The following FILIP1L variants were observed in gnomAD, a reference collection of about 807,000 sequenced individuals.
FILIP1L encodes filamin A interacting protein 1 like.
Under a neutral mutation model 96.6 loss-of-function variants are expected in FILIP1L, and 55 were observed. The observed-to-expected ratio is 0.57, with a 90% confidence interval of 0.46 to 0.71. FILIP1L has a LOEUF of 0.71. Ranked by LOEUF, FILIP1L falls within the 30% of genes least tolerant of loss-of-function variation. The pLI is 0.00. For synonymous variants in FILIP1L, 467 were observed against 473.9 expected (o/e 0.99, Z 0.19); for missense variants, 1,304 against 1,321.2 (o/e 0.99, Z 0.20).
At chr3:99,869,193 T>C (rs938836803) in intron 4 of FILIP1L, among the ~76,000 whole-genome samples, 1 of 152,216 alleles carries the variant, frequency 6.6e-6, no homozygotes, top group African/African-American at 2.4e-5. Context: ...AAGAATTCAC[T>C]TGGAGACAAA....
intron 4 of FILIP1L, among the ~76,000 whole-genome samples, chr3:99,916,437 T>TACACACACACACACACAC (rs10529210): frequency 1.4e-4 from 19 of 137,180 alleles, no homozygotes; most frequent in African/African-American, 5.3e-4. Flanking sequence ...TAACGGTTTA[T>TACACACACACACACACAC]ACACACACAC....
At chr3:100,035,050 T>G (rs1322093022) in intron 1 of FILIP1L, among the ~76,000 whole-genome samples, 1 of 152,138 alleles carries the variant, frequency 6.6e-6, no homozygotes, top group Non-Finnish European at 1.5e-5. Context: ...CTTGAAGACC[T>G]GTTTATCTTA....
At chr3:99,894,148 C>A (rs897445891) in intron 4 of FILIP1L, among the ~76,000 whole-genome samples, 8 of 152,180 alleles carry the variant, frequency 5.3e-5, no homozygotes, top group African/African-American at 1.7e-4. Context: ...AAGACAATTA[C>A]AGCTAGGAGT....
At chr3:100,007,153 A>G (rs527772270) in intron 1 of FILIP1L, among the ~76,000 whole-genome samples, 2 of 152,354 alleles carry the variant, frequency 1.3e-5, no homozygotes, top group South Asian at 4.1e-4. Flanking sequence ...AAATGGGAAG[A>G]AAAGGAGAAA....
intron 1 of FILIP1L, among the ~76,000 whole-genome samples, chr3:100,033,299 C>T (rs1438508854): frequency 6.6e-6 from 1 of 152,108 alleles, no homozygotes; most frequent in East Asian, 1.9e-4. Context: ...TCTGAACTTG[C>T]CCTCAAAGAA....
intron 4 of FILIP1L, among the ~76,000 whole-genome samples, chr3:99,857,301 A>G (rs1419882338): frequency 6.6e-6 from 1 of 152,214 alleles, no homozygotes; most frequent in Non-Finnish European, 1.5e-5. Context: ...ATAGCTACAG[A>G]GCCTCTAGAA....
At chr3:100,003,928 C>A (rs1709914555) in intron 1 of FILIP1L, among the ~76,000 whole-genome samples, 1 of 152,164 alleles carries the variant, frequency 6.6e-6, no homozygotes. Context: ...GCAAACAAGT[C>A]TTCTCAGGTT....
At position 99,993,327 on chromosome 3, in the gene FILIP1L, T is replaced by G. The variant is rs139561163; in HGVS notation, c.-10-62297A>C. Among the ~76,000 whole-genome samples, 4 of 152,214 alleles carry G rather than the reference T, an allele frequency of 2.6e-5. No individual in the cohort carries two copies. In the East Asian group the frequency reaches 7.7e-4, roughly 29 times the overall value. On this transcript the variant is annotated intron_variant, in intron 1 of 5. Coordinates refer to ENST00000477258, the MANE Select transcript of FILIP1L (RefSeq NM_001387850.1). ...ATGTCATCTACAACTTCTTTCAGTT[T>G]TGGAGCTTGGAACTTCACTAGTTCA...
intron 5 of FILIP1L, among the ~76,000 whole-genome samples, chr3:99,832,560 A>AAG (rs201155810): frequency 0.46 from 55,127 of 120,530 alleles, 14,140 homozygotes; most frequent in East Asian, 0.67. Flanking sequence ...AAAAAAAAAA[A>AAG]GGCCTAGCGC....
chr3:99,879,298 T>C (rs1215928615), intron 4 of FILIP1L, among the ~76,000 whole-genome samples: 1 of 152,234 alleles, frequency 6.6e-6, no homozygotes, highest in Non-Finnish European at 1.5e-5. Context: ...TATTATATTA[T>C]GTCAAAGACA....
At chr3:99,887,109 T>A (rs1335708467) in intron 4 of FILIP1L, among the ~76,000 whole-genome samples, 2 of 150,122 alleles carry the variant, frequency 1.3e-5, no homozygotes, top group Non-Finnish European at 3.0e-5. Context: ...CCATCTCTAC[T>A]AAAAATACAA....
At chr3:100,046,776 G>A (rs2065285521) in intron 1 of FILIP1L, among the ~76,000 whole-genome samples, 1 of 152,164 alleles carries the variant, frequency 6.6e-6, no homozygotes, top group African/African-American at 2.4e-5. Flanking sequence ...ATAAGGCCAG[G>A]TCTGATTAGC....
intron 4 of FILIP1L, chr3:99,876,346 C>T: frequency 2.4e-6 from 1 of 416,776 alleles, no homozygotes; most frequent in South Asian, 9.9e-5. Context: ...GCCGTGTGAA[C>T]GGACCGTGGT....
At chr3:100,094,297 A>G (rs1266810978) in intron 1 of FILIP1L, among the ~76,000 whole-genome samples, 5 of 152,004 alleles carry the variant, frequency 3.3e-5, no homozygotes, top group African/African-American at 1.2e-4. Flanking sequence ...TTTATTGTTA[A>G]GTTTTAAGAG....
At position 99,850,073 on chromosome 3, in the gene FILIP1L, CTGT is replaced by C; in HGVS notation, c.1600_1602del (p.Thr534del). 6.2e-7 allele frequency: 1 copy of C among 1,612,764 alleles called. No homozygotes were observed. The highest frequency in any genetic ancestry group is 8.5e-7 in the Non-Finnish European group (1 of 1,179,726). ...GTTTCCTCAATTAACTTCTCAGTAA[CTGT>C]TGTTACTTTATTTTGCTCCACTTGA... On this transcript the variant is annotated inframe_deletion, in exon 5 of 6. Transcript: ENST00000477258.
At chr3:100,043,074 G>C (rs766090998) in intron 1 of FILIP1L, among the ~76,000 whole-genome samples, 2 of 152,250 alleles carry the variant, frequency 1.3e-5, no homozygotes, top group African/African-American at 4.8e-5. Context: ...ATCAGTGACA[G>C]ACCCCCTGAG....
At chr3:100,105,707 C>G (rs548468088) in intron 1 of FILIP1L, among the ~76,000 whole-genome samples, 101 of 152,304 alleles carry the variant, frequency 6.6e-4, no homozygotes, top group African/African-American at 2.4e-3. Flanking sequence ...ACTGCTAGGT[C>G]AAGCTGATGC....
chr3:100,102,011 A>G (rs944342278), intron 1 of FILIP1L, among the ~76,000 whole-genome samples: 5 of 152,308 alleles, frequency 3.3e-5, no homozygotes, highest in South Asian at 2.1e-4. Flanking sequence ...TTCTTAATCC[A>G]GTCGATCATT....
In FILIP1L at chr3:100,001,911, C is replaced by T. The variant is rs143701846; in HGVS notation, c.-10-70881G>A. On this transcript the variant is annotated intron_variant, in intron 1 of 5. Transcript: ENST00000477258. ...AGCATAGAAGGTCGGGGACCCAACA[C>T]GGTGTCGCCTATGAGGGAAGCACAA... is the stretch of plus-strand genomic sequence containing the variant. 4.6e-5 allele frequency among the ~76,000 whole-genome samples: 7 copies of T among 152,310 alleles called. No individual in the cohort carries two copies. In the East Asian group the frequency reaches 1.4e-3, roughly 29 times the overall value.
Sources: gnomAD v4.1 joint callset for allele counts (sites outside exome capture counted in the v4.1 genomes callset) on GRCh38, gnomAD v4.1.1 for gene constraint, MANE v1.5 for transcripts, NCBI Gene and HGNC (gene_info 2026-07-23, HGNC 2026-07-21) for gene names.